Variants in B3GNT2 observed in about 807,000 individuals in gnomAD.
B3GNT2 encodes the protein N-acetyllactosaminide beta-1,3-N-acetylglucosaminyltransferase 2.
In B3GNT2, 12 loss-of-function variants were observed where a neutral mutation model predicts 27.6. That is an observed-to-expected ratio of 0.44 (90% confidence interval 0.28 to 0.71). The LOEUF (loss-of-function observed/expected upper bound fraction) is 0.71, where lower values mean the gene tolerates loss of function less well. Ranked by LOEUF, B3GNT2 falls within the 30% of genes least tolerant of loss-of-function variation. B3GNT2 has a pLI of 0.17. For missense variants in B3GNT2, 413 were observed against 488.5 expected, an observed-to-expected ratio of 0.85 and a Z score of 1.46; for synonymous variants, 192 against 189.7, an observed-to-expected ratio of 1.01 and a Z score of -0.10.
intron 1 of B3GNT2, among the ~76,000 whole-genome samples, chr2:62,208,724 A>T (rs1256798519): frequency 6.6e-6 from 1 of 152,176 alleles, no homozygotes. Context: ...AGAATACAAA[A>T]TGTCCTTAGA....
intron 1 of B3GNT2, among the ~76,000 whole-genome samples, chr2:62,211,003 G>A (rs1674472869): frequency 6.6e-6 from 1 of 152,124 alleles, no homozygotes; most frequent in Non-Finnish European, 1.5e-5. Flanking sequence ...CTAGGAGGGT[G>A]TTTATGTGTT....
chr2:62,207,601 G>A (rs958652143), intron 1 of B3GNT2, among the ~76,000 whole-genome samples: 10 of 152,112 alleles, frequency 6.6e-5, no homozygotes, highest in African/African-American at 1.2e-4. Context: ...AGATGGTTTC[G>A]GGATGAAACT....
At chr2:62,202,651 C>T (rs765454455) in intron 1 of B3GNT2, among the ~76,000 whole-genome samples, 2 of 152,186 alleles carry the variant, frequency 1.3e-5, no homozygotes, top group Non-Finnish European at 2.9e-5. Flanking sequence ...AGCCTGACCC[C>T]GGGCAGGTCA....
chr2:62,218,947 A>G (rs928305134), intron 1 of B3GNT2, among the ~76,000 whole-genome samples: 1 of 152,258 alleles, frequency 6.6e-6, no homozygotes, highest in Non-Finnish European at 1.5e-5. Context: ...ATTGTAGCAG[A>G]TGAAGTTGGA....
chr2:62,215,559 G>A (rs906080925), intron 1 of B3GNT2: 1 of 152,322 alleles, frequency 6.6e-6, no homozygotes, highest in Non-Finnish European at 1.5e-5. Context: ...CTGTTTATCC[G>A]AGCAGAACCT....
Position 62,223,467 on chromosome 2 carries a change from T to C in B3GNT2, c.*53T>C. The C allele has an allele frequency of 7.0e-7, 1 of 1,421,398 alleles. No individual in the cohort carries two copies. The highest frequency in any genetic ancestry group is 2.1e-5 in the Admixed American group (1 of 47,256). 88.0% of individuals were successfully genotyped at this position (1,421,398 alleles called of 1,614,324 possible). ...AAAGGTGTATTTTGAATAGTTCCCA[T>C]GTTGTGTTCTCACATTAGAGTAATT... is the stretch of plus-strand genomic sequence containing the variant. On this transcript the variant is annotated 3_prime_UTR_variant, in exon 2 of 2. Transcript: ENST00000301998.
At chr2:62,199,098 G>A (rs1279505448) in intron 1 of B3GNT2, among the ~76,000 whole-genome samples, 5 of 152,098 alleles carry the variant, frequency 3.3e-5, no homozygotes, top group South Asian at 4.1e-4. Context: ...CCACCACCAC[G>A]CCTGGCTAAT....
intron 1 of B3GNT2, among the ~76,000 whole-genome samples, chr2:62,210,206 G>C (rs1045372668): frequency 6.6e-6 from 1 of 152,096 alleles, no homozygotes; most frequent in African/African-American, 2.4e-5. Context: ...AATCCTCCTC[G>C]AGCAACGGTA....
At chr2:62,198,977 C>G (rs1674211006) in intron 1 of B3GNT2, among the ~76,000 whole-genome samples, 2 of 152,040 alleles carry the variant, frequency 1.3e-5, no homozygotes, top group Non-Finnish European at 1.5e-5. Flanking sequence ...GTCTCACTCT[C>G]CCGCCCAGGC....
At chr2:62,199,422 T>C (rs1674219824) in intron 1 of B3GNT2, among the ~76,000 whole-genome samples, 1 of 152,234 alleles carries the variant, frequency 6.6e-6, no homozygotes, top group African/African-American at 2.4e-5. Flanking sequence ...TATTGGAAAG[T>C]CTGTTAGAGA....
chr2:62,202,560 G>T (rs1397118390), intron 1 of B3GNT2, among the ~76,000 whole-genome samples: 3 of 151,628 alleles, frequency 2.0e-5, no homozygotes, highest in African/African-American at 7.3e-5. Context: ...GTGGTCAGGG[G>T]AGAGAGAGAG....
chr2:62,199,005 A>G (rs181862733), intron 1 of B3GNT2, among the ~76,000 whole-genome samples: 59 of 152,168 alleles, frequency 3.9e-4, no homozygotes, highest in African/African-American at 1.3e-3. Context: ...CAGTGGTGCA[A>G]TCTCAGCTCA....
intron 1 of B3GNT2, among the ~76,000 whole-genome samples, chr2:62,220,810 C>T (rs1339409624): frequency 6.6e-6 from 1 of 152,186 alleles, no homozygotes. Context: ...CTTTTAATGT[C>T]ACCTTGGTTT....
chr2:62,208,768 C>T (rs1674427094), intron 1 of B3GNT2, among the ~76,000 whole-genome samples: 1 of 152,192 alleles, frequency 6.6e-6, no homozygotes, highest in Admixed American at 6.5e-5. Flanking sequence ...CCCTCCCCTT[C>T]TTGTTCTCAT....
At chr2:62,208,869 T>C (rs1036765756) in intron 1 of B3GNT2, among the ~76,000 whole-genome samples, 4 of 152,124 alleles carry the variant, frequency 2.6e-5, no homozygotes, top group Admixed American at 2.0e-4. Context: ...AGACCTGTTA[T>C]CACACCGTGT....
At chr2:62,214,381 G>A (rs942208067) in intron 1 of B3GNT2, among the ~76,000 whole-genome samples, 4 of 116,684 alleles carry the variant, frequency 3.4e-5, no homozygotes, top group African/African-American at 1.2e-4. Flanking sequence ...CGTAATAGAA[G>A]CACCTGGCTC....
intron 1 of B3GNT2, among the ~76,000 whole-genome samples, chr2:62,209,686 G>A (rs545359854): frequency 1.5e-4 from 23 of 152,232 alleles, no homozygotes; most frequent in South Asian, 4.1e-4. Flanking sequence ...GGTAACGCTG[G>A]TTCTTTGATC....
At chr2:62,219,602 T>A (rs535627783) in intron 1 of B3GNT2, among the ~76,000 whole-genome samples, 1 of 152,256 alleles carries the variant, frequency 6.6e-6, no homozygotes, top group East Asian at 1.9e-4. Flanking sequence ...TTTTTCTTCA[T>A]TGTAGTTTTT....
At chr2:62,196,914 A>T (rs1286433336) in intron 1 of B3GNT2, among the ~76,000 whole-genome samples, 1 of 151,694 alleles carries the variant, frequency 6.6e-6, no homozygotes, top group Non-Finnish European at 1.5e-5. Flanking sequence ...TTTGTGAGCC[A>T]AAGAGCCGCC....
Sources: allele counts gnomAD v4.1 joint callset (sites outside exome capture counted in the v4.1 genomes callset), GRCh38; gene constraint gnomAD v4.1.1; transcripts MANE v1.5; gene names NCBI Gene and HGNC (gene_info 2026-07-23, HGNC 2026-07-21).